Variants in NLRP1 observed in about 807,000 individuals in gnomAD.
The protein encoded by NLRP1 is NACHT, LRR and PYD domains-containing protein 1.
In NLRP1, 94 loss-of-function variants were observed where a neutral mutation model predicts 136.7. The ratio of observed to expected loss-of-function variants is 0.69; its 90% confidence interval spans 0.58 to 0.82. NLRP1 has a LOEUF of 0.82. Among genes scored for constraint, NLRP1 ranks in the 40% least tolerant of loss-of-function variants. The pLI is 0.00. For missense variants in NLRP1, 1,575 were observed against 1,802.7 expected (o/e 0.87, Z 2.29); for synonymous variants, 690 against 725.1 (o/e 0.95, Z 0.78).
intron 3 of NLRP1, among the ~76,000 whole-genome samples, chr17:5,560,976 C>A (rs77499875): frequency 0.07 from 10,708 of 152,306 alleles, 679 homozygotes; most frequent in African/African-American, 0.17. Context: ...CCAAATAGAA[C>A]AACAGTTACA....
At chr17:5,560,097 T>G (rs1914559902) in intron 3 of NLRP1, 54 bp from the exon 4 acceptor site, 8 of 1,432,304 alleles carry the variant, frequency 5.6e-6, no homozygotes, top group Non-Finnish European at 6.5e-6. Flanking sequence ...AAGAATTAAT[T>G]AATTAATTAA....
intron 15 of NLRP1, among the ~76,000 whole-genome samples, chr17:5,507,578 C>G (rs1218895713): frequency 6.6e-6 from 1 of 152,212 alleles, no homozygotes; most frequent in Admixed American, 6.5e-5. Context: ...GCCTGTAATC[C>G]CACTGGGAGG....
intron 3 of NLRP1, among the ~76,000 whole-genome samples, chr17:5,561,119 C>T (rs566454002): frequency 3.3e-4 from 51 of 152,310 alleles, no homozygotes; most frequent in South Asian, 2.9e-3. Flanking sequence ...TGCAGTGGCA[C>T]GATCTCGGCT....
chr17:5,517,350 A>ACACCC (rs1555542025), intron 15 of NLRP1, among the ~76,000 whole-genome samples: 2 of 47,380 alleles, frequency 4.2e-5, no homozygotes, highest in Non-Finnish European at 8.3e-5. Flanking sequence ...TGCACTCTGC[A>ACACCC]CCCCCCCCCC....
intron 14 of NLRP1, among the ~76,000 whole-genome samples, chr17:5,518,838 AT>A (rs35197506): frequency 0.054 from 7,030 of 129,180 alleles, 332 homozygotes; most frequent in African/African-American, 0.15. Context: ...CCACAACAGC[AT>A]TTTTTTTTTT....
At chr17:5,553,655 C>T in intron 4 of NLRP1, 99 bp from the exon 5 acceptor site, 4 of 1,074,108 alleles carry the variant, frequency 3.7e-6, no homozygotes, top group South Asian at 3.0e-5. Flanking sequence ...TCCCCCTGAG[C>T]ACCAGGCCAC....
chr17:5,513,700 C>T (rs1431967299), downstream of NLRP1, among the ~76,000 whole-genome samples: 1 of 152,072 alleles, frequency 6.6e-6, no homozygotes, highest in Non-Finnish European at 1.5e-5. Context: ...CCTTCTACAA[C>T]CTCTTAAGAT....
At chr17:5,549,939 G>A (rs948280612) in intron 5 of NLRP1, among the ~76,000 whole-genome samples, 17 of 152,052 alleles carry the variant, frequency 1.1e-4, no homozygotes, top group African/African-American at 3.9e-4. Context: ...TGCTTTTTTT[G>A]TGTCTTTGAG....
At chr17:5,581,824 C>T (rs199917533) in intron 3 of NLRP1, 35 bp downstream of exon 3, 3 of 1,574,302 alleles carry the variant, frequency 1.9e-6, no homozygotes, top group African/African-American at 2.7e-5. Flanking sequence ...CCTCTCCCAC[C>T]TCACCACCCC....
At chr17:5,530,372 GC>G (rs768965928) in intron 12 of NLRP1, 108 bp downstream of exon 12, 17 of 919,508 alleles carry the variant, frequency 1.8e-5, no homozygotes, top group Non-Finnish European at 2.9e-5. Context: ...CCCCCCCTCG[GC>G]CCCTCTAAGG....
At position 5,541,236 on chromosome 17, in the gene NLRP1, A is replaced by G. The variant is rs1911827606; in HGVS notation, c.2699+621T>C. The stretch of plus-strand genomic sequence containing the variant: ...ACTTTGTGTAGTTTTAGTAGAGACA[A>G]GGTTTCACCATGTTGGCTAGGCTGG... On this transcript the variant is annotated intron_variant, in intron 6 of 16. Coordinates refer to ENST00000572272, the MANE Select transcript of NLRP1 (RefSeq NM_033004.4). The surrounding 1 kb of genome is among the most constrained non-coding windows in gnomAD (Gnocchi z 4.2). Among the ~76,000 whole-genome samples the G allele has an allele frequency of 6.6e-6, 1 of 152,008 alleles. No individual in the cohort carries two copies. Among genetic ancestry groups the G allele is most frequent in the Non-Finnish European group, 1.5e-5 (1 of 67,976 alleles).
chr17:5,509,041 C>T (rs8079034), intron 15 of NLRP1, among the ~76,000 whole-genome samples: 36,318 of 152,140 alleles, frequency 0.24, 4,856 homozygotes, highest in African/African-American at 0.37. Flanking sequence ...CTTACCTAAC[C>T]GCCTAGATGG....
chr17:5,556,115 TACACACACACAC>T (rs59028107), intron 4 of NLRP1, among the ~76,000 whole-genome samples: 56 of 119,070 alleles, frequency 4.7e-4, no homozygotes, highest in African/African-American at 1.2e-3. Context: ...TCTCTCTCTC[TACACACACACAC>T]ACACACACAC....
In NLRP1 at chr17:5,514,930, C is replaced by A; in HGVS notation, c.4246G>T (p.Val1416Leu). The A allele has an allele frequency of 6.2e-7, 1 of 1,614,212 alleles. No individual in the cohort carries two copies. The highest frequency in any genetic ancestry group is 8.5e-7 in the Non-Finnish European group (1 of 1,180,038). The change falls in exon 17 of 17, where the codon GTG (valine) becomes TTG (leucine). Residue 1416 changes from valine to leucine, a missense_variant. Val to Leu is a conservative substitution (Grantham distance 32). Coordinates refer to ENST00000572272, the MANE Select transcript of NLRP1 (RefSeq NM_033004.4). ...QVLSQEQYERVLAENTRPSQM... is the reference protein window; with the variant it reads ...QVLSQEQYERLLAENTRPSQM... ...CTGGGCCTCGTGTTCTCAGCCAGCA[C>A]CCTCTCGTACTGCTCCTGGCTCAGC...
At chr17:5,568,079 T>C (rs1915512230) in intron 3 of NLRP1, among the ~76,000 whole-genome samples, 1 of 152,160 alleles carries the variant, frequency 6.6e-6, no homozygotes, top group Admixed American at 6.5e-5. Flanking sequence ...TAAAACCTTC[T>C]TGTACTTGGA....
chr17:5,547,242 T>C (rs1046815725), intron 5 of NLRP1, among the ~76,000 whole-genome samples: 2 of 151,902 alleles, frequency 1.3e-5, no homozygotes, highest in Non-Finnish European at 2.9e-5. Flanking sequence ...AGCATACATG[T>C]CCTAAGTACA....
In NLRP1 at chr17:5,515,515, C is replaced by T; in HGVS notation, c.4060G>A (p.Asp1354Asn). The change falls in exon 16 of 17, where the codon GAT becomes AAT. Residue 1354 changes from aspartate to asparagine, a missense_variant and splice_region_variant. Coordinates refer to ENST00000572272, the MANE Select transcript of NLRP1 (RefSeq NM_033004.4). ...ATCAGAGTAGTTGCAGGCATGAGAT[C>T]TCCTGGAGGAAAACAGAGATGAAGA... is the stretch of plus-strand genomic sequence containing the variant. Reference protein sequence around the residue: ...LVWEALVKPGDLMPATTLIPP... With the variant: ...LVWEALVKPGNLMPATTLIPP... 6.2e-7 allele frequency: 1 copy of T among 1,612,836 alleles called. No homozygotes were observed. Among genetic ancestry groups the T allele is most frequent in the Non-Finnish European group, 8.5e-7 (1 of 1,178,868 alleles).
At position 5,515,398 on chromosome 17, in the gene NLRP1, C is replaced by A. The variant is rs189618196; in HGVS notation, c.4102+75G>T. ...CAGTGATGAGTCCCTTCCTTTCTCT[C>A]TTCCCTTCCCCCAGAACCAGACAGT... On this transcript the variant is annotated intron_variant, in intron 16 of 16. Transcript: ENST00000572272. The A allele has an allele frequency of 3.4e-5, 43 of 1,276,380 alleles. 1 individual carries two copies. In the East Asian group the frequency reaches 9.7e-4, roughly 29 times the overall value. 79.1% of individuals were successfully genotyped at this position (1,276,380 alleles called of 1,614,324 possible).
Position 5,556,348 on chromosome 17 carries a change from C to T in NLRP1, c.2357+1991G>A, listed in dbSNP as rs12150468. Reference sequence around the variant, plus strand: ...ATGCTCCTGTAGTCTCAGCTCCTAGCGGGGCTGAGGTAAGAGGATCCCTTA... The same window carrying T: ...ATGCTCCTGTAGTCTCAGCTCCTAGTGGGGCTGAGGTAAGAGGATCCCTTA... On this transcript the variant is annotated intron_variant, in intron 4 of 16. Coordinates refer to ENST00000572272, the MANE Select transcript of NLRP1 (RefSeq NM_033004.4). Among the ~76,000 whole-genome samples, 7 of 151,538 alleles carry T rather than the reference C, an allele frequency of 4.6e-5. No homozygotes were observed. The East Asian group carries it at 9.8e-4, about 21-fold the overall frequency.
Sources: allele counts gnomAD v4.1 joint callset (sites outside exome capture counted in the v4.1 genomes callset), GRCh38; gene constraint gnomAD v4.1.1; non-coding constraint Gnocchi (gnomAD v3.1); transcripts MANE v1.5; gene names NCBI Gene and HGNC (gene_info 2026-07-23, HGNC 2026-07-21).